The following CDH9 variants were observed in gnomAD, a reference collection of about 807,000 sequenced individuals.
The protein encoded by CDH9 is cadherin-9.
A neutral mutation model predicts 70.9 loss-of-function variants in CDH9; 28 were observed. The ratio of observed to expected loss-of-function variants is 0.40; its 90% CI spans 0.29 to 0.54. The LOEUF is 0.54. Among genes scored for constraint, CDH9 ranks in the 20% least tolerant of loss-of-function variants. The pLI is 0.59. For missense variants in CDH9, 874 were observed against 984.4 expected (o/e 0.89, Z 1.50); for synonymous variants, 409 against 343.1 (o/e 1.19, Z -2.12).
At chr5:26,908,982 T>C (rs1348747344) in intron 3 of CDH9, among the ~76,000 whole-genome samples, 1 of 152,174 alleles carries the variant, frequency 6.6e-6, no homozygotes, top group Non-Finnish European at 1.5e-5. Flanking sequence ...ATATGTTTTA[T>C]ATTAATTTTT....
At position 26,906,741 on chromosome 5, in the gene CDH9, A is replaced by G; in HGVS notation, c.621T>C (p.Tyr207=). The G allele has an allele frequency of 6.2e-7, 1 of 1,613,272 alleles. No individual in the cohort carries two copies. Among genetic ancestry groups the G allele is most frequent in the South Asian group, 1.1e-5 (1 of 91,052 alleles). Residue 207 remains tyrosine, a synonymous_variant, in exon 4 of 12, where the codon TAT becomes TAC. Transcript: ENST00000231021. The part of the protein sequence containing the change: ...VVYSILQGQP[Y]FSVDPESGII... ...TACCTGATTCTGGGTCCACTGAAAA[A>G]TATGGCTGTCCTTGCAATATGCTAT...
chr5:26,948,633 T>A (rs1433300596), intron 2 of CDH9, among the ~76,000 whole-genome samples: 1 of 152,222 alleles, frequency 6.6e-6, no homozygotes, highest in Admixed American at 6.5e-5. Flanking sequence ...GGCCTACATG[T>A]ATATATGTTT....
intron 1 of CDH9, among the ~76,000 whole-genome samples, chr5:26,993,805 C>T (rs1033071206): frequency 2.6e-5 from 4 of 151,470 alleles, no homozygotes; most frequent in African/African-American, 9.7e-5. Context: ...GGACTATTGC[C>T]TCACTTTCAA....
At chr5:27,004,057 G>A (rs1742816511) in intron 1 of CDH9, among the ~76,000 whole-genome samples, 1 of 147,666 alleles carries the variant, frequency 6.8e-6, no homozygotes, top group Non-Finnish European at 1.5e-5. Context: ...GTGGAGGGAG[G>A]ATAAATTGGG....
intron 3 of CDH9, among the ~76,000 whole-genome samples, chr5:26,911,682 A>G (rs1163465123): frequency 6.6e-6 from 1 of 152,220 alleles, no homozygotes; most frequent in African/African-American, 2.4e-5. Context: ...AAGAAAAAAA[A>G]AAGTAGAAAT....
At chr5:26,894,407 G>A (rs1740711736) in intron 7 of CDH9, among the ~76,000 whole-genome samples, 3 of 151,928 alleles carry the variant, frequency 2.0e-5, no homozygotes, top group South Asian at 4.1e-4. Flanking sequence ...AAATAGATTT[G>A]GGTTTCTGGC....
chr5:26,889,881 G>A lies in CDH9; in HGVS notation c.1467C>T (p.Ala489=), dbSNP rs1249094350. 1 of 1,599,390 alleles carries A rather than the reference G, an allele frequency of 6.3e-7. No homozygotes were observed. The highest frequency in any genetic ancestry group is 1.7e-5 in the Admixed American group (1 of 59,584). Residue 489 remains alanine (A), a synonymous_variant, in exon 9 of 12, where the codon GCC becomes GCT. Transcript: ENST00000231021. Reference sequence around the variant, plus strand: ...CACAAACAAATGTTTCATAATACATGGCAAATTCCGGAGCATGGTCATTTA... The same window carrying A: ...CACAAACAAATGTTTCATAATACATAGCAAATTCCGGAGCATGGTCATTTA... ...LDINDHAPEF[A]MYYETFVCEN... is the part of the protein sequence containing the mutation.
At chr5:26,942,833 T>G (rs975684559) in intron 2 of CDH9, among the ~76,000 whole-genome samples, 8 of 152,176 alleles carry the variant, frequency 5.3e-5, no homozygotes, top group South Asian at 2.1e-4. Context: ...TAAAACCAAA[T>G]ATTTTGCACA....
intron 1 of CDH9, among the ~76,000 whole-genome samples, chr5:27,020,724 A>G (rs1329655530): frequency 9.2e-6 from 1 of 108,882 alleles, no homozygotes; most frequent in African/African-American, 3.8e-5. Flanking sequence ...AAGAATTCAC[A>G]CACGCACACA....
intron 2 of CDH9, among the ~76,000 whole-genome samples, chr5:26,955,269 T>G (rs1394411079): frequency 2.0e-5 from 3 of 152,218 alleles, no homozygotes; most frequent in African/African-American, 7.2e-5. Flanking sequence ...AATCCCTTAT[T>G]TATGTCCTGG....
chr5:26,965,489 T>C (rs143824164), intron 2 of CDH9, among the ~76,000 whole-genome samples: 96 of 151,634 alleles, frequency 6.3e-4, no homozygotes, highest in African/African-American at 2.3e-3. Context: ...GGCAGGAGAA[T>C]CACTTGAACC....
chr5:27,012,543 T>C (rs963118562), intron 1 of CDH9, among the ~76,000 whole-genome samples: 3 of 151,972 alleles, frequency 2.0e-5, no homozygotes, highest in Non-Finnish European at 4.4e-5. Flanking sequence ...ACTATAGCAA[T>C]CACCATGGTA....
intron 2 of CDH9, among the ~76,000 whole-genome samples, chr5:26,939,779 T>C (rs565671796): frequency 1.3e-5 from 2 of 152,150 alleles, no homozygotes; most frequent in Non-Finnish European, 2.9e-5. Context: ...TAATATACCA[T>C]AGAGAATTGT....
At chr5:26,897,350 G>C (rs1740770948) in intron 7 of CDH9, among the ~76,000 whole-genome samples, 1 of 152,138 alleles carries the variant, frequency 6.6e-6, no homozygotes, top group Non-Finnish European at 1.5e-5. Context: ...AACAAAACAT[G>C]TCAGAGACAC....
intron 2 of CDH9, among the ~76,000 whole-genome samples, chr5:26,943,635 A>G (rs780228287): frequency 5.3e-5 from 8 of 152,200 alleles, no homozygotes; most frequent in Non-Finnish European, 8.8e-5. Context: ...AGATACTTCA[A>G]TTGAGGCTGT....
chr5:26,900,752 T>C (rs1740841218), intron 7 of CDH9, among the ~76,000 whole-genome samples: 2 of 152,094 alleles, frequency 1.3e-5, no homozygotes, highest in Admixed American at 6.6e-5. Context: ...CATAAAAATA[T>C]GGTGCAACAG....
intron 1 of CDH9, among the ~76,000 whole-genome samples, chr5:27,022,453 T>C (rs2112126810): frequency 6.6e-6 from 1 of 152,218 alleles, no homozygotes; most frequent in Non-Finnish European, 1.5e-5. Context: ...TAAATGCAAA[T>C]AGTATCAAAC....
chr5:26,909,901 C>G (rs938310813), intron 3 of CDH9, among the ~76,000 whole-genome samples: 1 of 151,338 alleles, frequency 6.6e-6, no homozygotes, highest in African/African-American at 2.4e-5. Context: ...TTTGGGGAAC[C>G]AAAAGCATTC....
chr5:26,952,996 A>T (rs1741880448), intron 2 of CDH9, among the ~76,000 whole-genome samples: 1 of 151,790 alleles, frequency 6.6e-6, no homozygotes, highest in South Asian at 2.1e-4. Context: ...GAATTTCATA[A>T]TTAGGGAGGA....
Sources: allele counts gnomAD v4.1 joint callset (sites outside exome capture counted in the v4.1 genomes callset), GRCh38; gene constraint gnomAD v4.1.1; transcripts MANE v1.5; gene names NCBI Gene and HGNC (gene_info 2026-07-23, HGNC 2026-07-21).